LHFPL3: variants seen among roughly 807,000 people sequenced by gnomAD.
LHFPL3 encodes the protein LHFPL tetraspan subfamily member 3 protein.
In LHFPL3, 5 loss-of-function variants were observed where a neutral mutation model predicts 19.3. The observed-to-expected ratio is 0.26, with a 90% CI of 0.14 to 0.54. LHFPL3 has a LOEUF of 0.54. Among genes scored for constraint, LHFPL3 ranks in the 20% least tolerant of loss-of-function variants. The pLI, the probability that LHFPL3 is intolerant of heterozygous loss-of-function variation, is 0.94. For synonymous variants in LHFPL3, 133 were observed against 126.2 expected (o/e 1.05, Z -0.36); for missense variants, 249 against 307.4 (o/e 0.81, Z 1.42).
chr7:104,627,906 T>C (rs1791576068), intron 1 of LHFPL3, among the ~76,000 whole-genome samples: 2 of 152,236 alleles, frequency 1.3e-5, no homozygotes, highest in South Asian at 4.1e-4. Context: ...TAGAAAACTA[T>C]TGAAAAATCT....
At chr7:104,899,251 T>G (rs1287385084) in intron 2 of LHFPL3, among the ~76,000 whole-genome samples, 1 of 151,986 alleles carries the variant, frequency 6.6e-6, no homozygotes, top group African/African-American at 2.4e-5. Context: ...ATGGGGAAAT[T>G]GAAGCACAGA....
intron 1 of LHFPL3, among the ~76,000 whole-genome samples, chr7:104,713,899 C>A (rs1415744398): frequency 6.6e-6 from 1 of 152,098 alleles, no homozygotes; most frequent in African/African-American, 2.4e-5. Flanking sequence ...ATCTCAGGCT[C>A]CCTGCTCAGT....
chr7:104,494,122 G>A (rs553318503), intron 1 of LHFPL3, among the ~76,000 whole-genome samples: 136 of 152,154 alleles, frequency 8.9e-4, no homozygotes, highest in African/African-American at 1.7e-3. Context: ...GCATAGTAAG[G>A]CTTGTCTTAT....
At chr7:104,363,112 C>T (rs1790421398) in intron 1 of LHFPL3, among the ~76,000 whole-genome samples, 1 of 152,204 alleles carries the variant, frequency 6.6e-6, no homozygotes, top group African/African-American at 2.4e-5. Context: ...GTCTTCTCCT[C>T]AAGGGAGAAG....
At chr7:104,639,336 T>A (rs1372186030) in intron 1 of LHFPL3, among the ~76,000 whole-genome samples, 1 of 152,176 alleles carries the variant, frequency 6.6e-6, no homozygotes, top group African/African-American at 2.4e-5. Flanking sequence ...TTATCCATTT[T>A]TTTCCAGATT....
At chr7:104,679,136 G>A (rs1372607986) in intron 1 of LHFPL3, among the ~76,000 whole-genome samples, 1 of 152,214 alleles carries the variant, frequency 6.6e-6, no homozygotes. Context: ...TTGCAGTCAA[G>A]CTGCTGGCCA....
intron 2 of LHFPL3, among the ~76,000 whole-genome samples, chr7:104,842,378 C>T (rs1304060229): frequency 6.6e-6 from 1 of 152,078 alleles, no homozygotes; most frequent in Admixed American, 6.5e-5. Flanking sequence ...ATCTACATGG[C>T]CTGCCTGGGG....
chr7:104,608,090 A>C (rs569941759), intron 1 of LHFPL3, among the ~76,000 whole-genome samples: 1 of 152,322 alleles, frequency 6.6e-6, no homozygotes, highest in African/African-American at 2.4e-5. Context: ...CACTGCGGCG[A>C]TTCCTCAGGG....
At chr7:104,817,353 T>C (rs4532541) in intron 2 of LHFPL3, among the ~76,000 whole-genome samples, 1 of 151,728 alleles carries the variant, frequency 6.6e-6, no homozygotes, top group Non-Finnish European at 1.5e-5. Context: ...TCCCTTTTTC[T>C]CCTCATCTAA....
At chr7:104,415,273 T>C (rs1791599600) in intron 1 of LHFPL3, among the ~76,000 whole-genome samples, 1 of 152,240 alleles carries the variant, frequency 6.6e-6, no homozygotes, top group Admixed American at 6.5e-5. Flanking sequence ...GCACAGTTTC[T>C]GACTTGAGAG....
At chr7:104,870,104 C>T (rs867069318) in intron 2 of LHFPL3, among the ~76,000 whole-genome samples, 12 of 136,184 alleles carry the variant, frequency 8.8e-5, no homozygotes, top group Middle Eastern at 3.5e-3. Flanking sequence ...GGTGGGGGGA[C>T]GGGGGAGGGA....
At chr7:104,347,008 G>C (rs1790080540) in intron 1 of LHFPL3, among the ~76,000 whole-genome samples, 1 of 148,788 alleles carries the variant, frequency 6.7e-6, no homozygotes, top group Non-Finnish European at 1.5e-5. Context: ...GTATGACCTT[G>C]GACCAGTTCC....
chr7:104,697,551 G>T (rs1793019839), intron 1 of LHFPL3, among the ~76,000 whole-genome samples: 1 of 152,184 alleles, frequency 6.6e-6, no homozygotes, highest in African/African-American at 2.4e-5. Context: ...CAGTAGAACA[G>T]AAGTCAGATT....
intron 1 of LHFPL3, among the ~76,000 whole-genome samples, chr7:104,487,564 A>G (rs1793261342): frequency 6.6e-6 from 1 of 152,214 alleles, no homozygotes; most frequent in African/African-American, 2.4e-5. Flanking sequence ...CACCCAGAGA[A>G]AACCCATGCA....
intron 1 of LHFPL3, chr7:104,469,986 C>T (rs1792876633): frequency 2.2e-6 from 1 of 455,786 alleles, no homozygotes; most frequent in Non-Finnish European, 4.4e-6. Flanking sequence ...CTTGAAATGC[C>T]ACACTCTGAG....
At chr7:104,385,400 C>CTA (rs138267110) in intron 1 of LHFPL3, among the ~76,000 whole-genome samples, 62,311 of 151,536 alleles carry the variant, frequency 0.41, 13,086 homozygotes, top group Admixed American at 0.53. Context: ...TGATTGATAT[C>CTA]TGAGCAGAGT....
At chr7:104,582,480 G>A (rs1413046896) in intron 1 of LHFPL3, among the ~76,000 whole-genome samples, 1 of 151,870 alleles carries the variant, frequency 6.6e-6, no homozygotes, top group East Asian at 1.9e-4. Context: ...TTACTGCACA[G>A]ACCAGGATCT....
At chr7:104,509,899 A>C (rs1359899644) in intron 1 of LHFPL3, among the ~76,000 whole-genome samples, 2 of 152,134 alleles carry the variant, frequency 1.3e-5, no homozygotes, top group African/African-American at 4.8e-5. Context: ...AGTTCACAAG[A>C]TATAATATAA....
chr7:104,739,973 CA>C (rs1793902006), intron 2 of LHFPL3, among the ~76,000 whole-genome samples: 1 of 152,092 alleles, frequency 6.6e-6, no homozygotes. Context: ...TTATAATTTC[CA>C]CGTGTTGGGA....
Sources: allele counts gnomAD v4.1 joint callset (sites outside exome capture counted in the v4.1 genomes callset), GRCh38; gene constraint gnomAD v4.1.1; transcripts MANE v1.5; gene names NCBI Gene and HGNC (gene_info 2026-07-23, HGNC 2026-07-21).